Variants in SLC24A2 observed in about 807,000 individuals in gnomAD.
The protein encoded by SLC24A2 is sodium/potassium/calcium exchanger 2.
A neutral mutation model predicts 62.0 loss-of-function variants in SLC24A2; 36 were observed. The observed-to-expected ratio is 0.58, with a 90% CI of 0.44 to 0.77. The LOEUF is 0.77. SLC24A2 is among the 30% of genes least tolerant of loss of function. SLC24A2 has a pLI of 0.00. For synonymous variants in SLC24A2, 358 were observed against 294.0 expected (o/e 1.22, Z -2.23); for missense variants, 846 against 817.9 (o/e 1.03, Z -0.42).
chr9:20,169,234 G>C, the SLC24A2 span, among the ~76,000 whole-genome samples: 1 of 151,840 alleles, frequency 6.6e-6, no homozygotes, highest in Non-Finnish European at 1.5e-5. Flanking sequence ...GTTTATGCTG[G>C]GATCATGAAA....
chr9:19,598,997 A>C (rs1487280197), intron 4 of SLC24A2, among the ~76,000 whole-genome samples: 1 of 152,154 alleles, frequency 6.6e-6, no homozygotes, highest in African/African-American at 2.4e-5. Flanking sequence ...TGTGTTTGCA[A>C]AGTTGGATGT....
the SLC24A2 span, among the ~76,000 whole-genome samples, chr9:20,011,903 T>C: frequency 6.6e-6 from 1 of 152,146 alleles, no homozygotes; most frequent in African/African-American, 2.4e-5. Flanking sequence ...AACCAGCAAA[T>C]GTGATATACC....
At chr9:19,799,218 A>G in the SLC24A2 span, among the ~76,000 whole-genome samples, 1 of 150,300 alleles carries the variant, frequency 6.7e-6, no homozygotes, top group Non-Finnish European at 1.5e-5. Flanking sequence ...TTTATCTTTC[A>G]TTCATTCTCT....
chr9:19,577,040 G>A lies in SLC24A2; in HGVS notation c.1130-18C>T, dbSNP rs781012044. 1.2e-5 allele frequency: 19 copies of A among 1,599,308 alleles called. No homozygotes were observed. The East Asian group carries it at 3.8e-4, about 32-fold the overall frequency. ...GAACCTCCCTGAAGCAAAAGAAAGT[G>A]GCAGGAAGGAGACACAATGAGAAAG... On this transcript the variant is annotated intron_variant, in intron 5 of 10. Coordinates refer to ENST00000341998, the MANE Select transcript of SLC24A2 (RefSeq NM_020344.4).
chr9:19,914,603 A>C, the SLC24A2 span, among the ~76,000 whole-genome samples: 1 of 152,132 alleles, frequency 6.6e-6, no homozygotes, highest in African/African-American at 2.4e-5. Flanking sequence ...AGCCAGGCAG[A>C]GGACATGTTC....
the SLC24A2 span, among the ~76,000 whole-genome samples, chr9:20,214,388 C>T: frequency 4.6e-4 from 70 of 152,154 alleles, no homozygotes; most frequent in African/African-American, 1.5e-3. Context: ...CCAAGGCAGG[C>T]GGATCACAAG....
chr9:19,914,473 G>A, the SLC24A2 span, among the ~76,000 whole-genome samples: 2 of 152,156 alleles, frequency 1.3e-5, no homozygotes, highest in South Asian at 4.1e-4. Flanking sequence ...TAAACATGTA[G>A]CATTTTCTGA....
the SLC24A2 span, among the ~76,000 whole-genome samples, chr9:20,107,606 A>G: frequency 6.6e-6 from 1 of 152,240 alleles, no homozygotes; most frequent in East Asian, 1.9e-4. Flanking sequence ...AGGATTCCCC[A>G]TTTCATAAAT....
chr9:19,674,501 A>G (rs527732620), intron 2 of SLC24A2, among the ~76,000 whole-genome samples: 4 of 152,266 alleles, frequency 2.6e-5, no homozygotes, highest in South Asian at 4.1e-4. Context: ...AGGAACACCA[A>G]TTATTCCTAG....
chr9:20,007,639 T>A, the SLC24A2 span, among the ~76,000 whole-genome samples: 1 of 152,118 alleles, frequency 6.6e-6, no homozygotes, highest in African/African-American at 2.4e-5. Flanking sequence ...TGAAACTATT[T>A]TATGTTTCAC....
At chr9:20,004,739 G>A in the SLC24A2 span, among the ~76,000 whole-genome samples, 8 of 152,106 alleles carry the variant, frequency 5.3e-5, no homozygotes, top group Non-Finnish European at 7.4e-5. Flanking sequence ...TTCAAAGAAT[G>A]AAGGATTATA....
chr9:19,980,735 G>C, the SLC24A2 span, among the ~76,000 whole-genome samples: 1 of 152,062 alleles, frequency 6.6e-6, no homozygotes, highest in South Asian at 2.1e-4. Flanking sequence ...TGATTCCCAG[G>C]CTCAAACAGG....
the SLC24A2 span, among the ~76,000 whole-genome samples, chr9:19,847,695 G>C: frequency 6.6e-6 from 1 of 152,154 alleles, no homozygotes; most frequent in African/African-American, 2.4e-5. Flanking sequence ...ACTGGAGGTA[G>C]TTTACCATCC....
chr9:19,826,640 A>G, the SLC24A2 span, among the ~76,000 whole-genome samples: 3 of 152,202 alleles, frequency 2.0e-5, no homozygotes, highest in Non-Finnish European at 2.9e-5. Flanking sequence ...GTGTCCTCAC[A>G]TGAAGAAAGG....
At chr9:20,278,412 GA>G in the SLC24A2 span, among the ~76,000 whole-genome samples, 1 of 152,034 alleles carries the variant, frequency 6.6e-6, no homozygotes, top group Non-Finnish European at 1.5e-5. Flanking sequence ...GACACATCTT[GA>G]ATGCTTTGCT....
At chr9:20,049,767 C>T in the SLC24A2 span, among the ~76,000 whole-genome samples, 6 of 149,892 alleles carry the variant, frequency 4.0e-5, no homozygotes, top group South Asian at 2.1e-4. Flanking sequence ...GCTGTTGTCA[C>T]CCATAAACTA....
chr9:20,148,253 A>C, the SLC24A2 span, among the ~76,000 whole-genome samples: 1 of 152,144 alleles, frequency 6.6e-6, no homozygotes, highest in African/African-American at 2.4e-5. Flanking sequence ...ATATTTTAAT[A>C]ATAATCACCT....
At chr9:19,904,386 CAG>C in the SLC24A2 span, among the ~76,000 whole-genome samples, 1 of 152,118 alleles carries the variant, frequency 6.6e-6, no homozygotes, top group African/African-American at 2.4e-5. Context: ...AAGCAAAAGA[CAG>C]GGGAGAAAAT....
At chr9:19,938,038 A>G in the SLC24A2 span, among the ~76,000 whole-genome samples, 12 of 152,220 alleles carry the variant, frequency 7.9e-5, no homozygotes, top group African/African-American at 2.4e-4. Flanking sequence ...ATTTATTAAT[A>G]GCATTAACTA....
Sources: allele counts gnomAD v4.1 joint callset (sites outside exome capture counted in the v4.1 genomes callset), GRCh38; gene constraint gnomAD v4.1.1; transcripts MANE v1.5; gene names NCBI Gene and HGNC (gene_info 2026-07-23, HGNC 2026-07-21).